The following IL1RAPL1 variants were observed in gnomAD, a reference collection of about 807,000 sequenced individuals.
The protein encoded by IL1RAPL1 is interleukin-1 receptor accessory protein-like 1.
A neutral mutation model predicts 48.4 loss-of-function variants in IL1RAPL1; 3 were observed. The observed-to-expected ratio is 0.06, with a 90% confidence interval of 0.03 to 0.16. The LOEUF is 0.16. Ranked by LOEUF, IL1RAPL1 falls within the 10% of genes least tolerant of loss-of-function variation. The pLI is 1.00. For missense variants in IL1RAPL1, 349 were observed against 530.6 expected (o/e 0.66, Z 3.36); for synonymous variants, 185 against 187.7 (o/e 0.99, Z 0.12).
chrX:29,808,878 T>C (rs1930313745), intron 6 of IL1RAPL1, among the ~76,000 whole-genome samples: 1 of 110,973 alleles, frequency 9.0e-6, no homozygotes, highest in Non-Finnish European at 1.9e-5. Context: ...AAACCAGCTT[T>C]GTTTGTATTT....
chrX:28,902,039 C>T (rs1413931519), intron 2 of IL1RAPL1, among the ~76,000 whole-genome samples: 2 of 111,991 alleles, frequency 1.8e-5, no homozygotes, highest in Non-Finnish European at 3.8e-5. Context: ...ATGACATGCA[C>T]ACATTTCTCC....
At chrX:28,873,438 C>T (rs1569190279) in intron 2 of IL1RAPL1, among the ~76,000 whole-genome samples, 1 of 107,547 alleles carries the variant, frequency 9.3e-6, no homozygotes, top group African/African-American at 3.4e-5. Context: ...CAGTAATCTC[C>T]TAAGTGGTGC....
intron 8 of IL1RAPL1, among the ~76,000 whole-genome samples, chrX:29,920,592 C>A (rs1484034000): frequency 9.2e-6 from 1 of 108,788 alleles, no homozygotes; most frequent in Non-Finnish European, 1.9e-5. Flanking sequence ...GTCAGGAGTT[C>A]AAGACCAGCC....
At chrX:29,012,369 C>G (rs1023655710) in intron 2 of IL1RAPL1, among the ~76,000 whole-genome samples, 2 of 110,932 alleles carry the variant, frequency 1.8e-5, no homozygotes, top group Admixed American at 1.9e-4. Context: ...ATAGTGAAAC[C>G]CTGACTCTAC....
At chrX:29,365,778 C>G (rs1445300942) in intron 3 of IL1RAPL1, among the ~76,000 whole-genome samples, 2 of 110,154 alleles carry the variant, frequency 1.8e-5, no homozygotes, top group Admixed American at 1.9e-4. Context: ...GTTTCTCACG[C>G]CTGTAATCCC....
At chrX:29,869,165 A>G (rs761302553) in intron 6 of IL1RAPL1, among the ~76,000 whole-genome samples, 1 of 112,547 alleles carries the variant, frequency 8.9e-6, no homozygotes, top group Non-Finnish European at 1.9e-5. Flanking sequence ...AACAATGTTA[A>G]GTCATAAGAT....
At chrX:28,767,704 G>A (rs1337784226) in intron 1 of IL1RAPL1, among the ~76,000 whole-genome samples, 1 of 85,966 alleles carries the variant, frequency 1.2e-5, no homozygotes, top group African/African-American at 4.8e-5. Flanking sequence ...AATCTTATCT[G>A]AGCCTGGGGG....
chrX:29,125,714 G>C (rs1322931850), intron 2 of IL1RAPL1, among the ~76,000 whole-genome samples: 1 of 111,292 alleles, frequency 9.0e-6, no homozygotes, highest in Non-Finnish European at 1.9e-5. Context: ...AGGAGTTTAA[G>C]AAACTGGGGT....
At chrX:29,844,796 C>T (rs1931211921) in intron 6 of IL1RAPL1, among the ~76,000 whole-genome samples, 1 of 111,887 alleles carries the variant, frequency 8.9e-6, no homozygotes, top group Admixed American at 9.5e-5. Context: ...TTCTTGGATA[C>T]AAGGAACAAC....
intron 3 of IL1RAPL1, among the ~76,000 whole-genome samples, chrX:29,345,377 C>T (rs999694671): frequency 1.8e-5 from 2 of 111,949 alleles, no homozygotes; most frequent in African/African-American, 6.5e-5. Context: ...ATATGCATTT[C>T]TCTGATTTCT....
intron 5 of IL1RAPL1, among the ~76,000 whole-genome samples, chrX:29,576,359 A>G (rs1387308747): frequency 8.9e-6 from 1 of 112,128 alleles, no homozygotes; most frequent in Non-Finnish European, 1.9e-5. Flanking sequence ...CCCATTCTAC[A>G]TAATGTCTTA....
At chrX:29,876,026 C>A (rs1931894804) in intron 6 of IL1RAPL1, among the ~76,000 whole-genome samples, 2 of 111,127 alleles carry the variant, frequency 1.8e-5, no homozygotes, top group African/African-American at 3.3e-5. Context: ...ATGTGTCCAC[C>A]AAGATAGTAG....
At chrX:29,726,257 T>C (rs1425500341) in intron 6 of IL1RAPL1, among the ~76,000 whole-genome samples, 1 of 112,472 alleles carries the variant, frequency 8.9e-6, no homozygotes, top group Non-Finnish European at 1.9e-5. Context: ...TAAAATTATA[T>C]GTATTTATCT....
At position 28,667,924 on chromosome X, in the gene IL1RAPL1, C is replaced by G. The variant is rs1450344362; in HGVS notation, c.-25+79877C>G. 2.7e-5 allele frequency among the ~76,000 whole-genome samples: 3 copies of G among 111,579 alleles called. No homozygotes were observed. The Admixed American group carries it at 2.9e-4, about 11-fold the overall frequency. On this transcript the variant is annotated intron_variant, in intron 1 of 10. Transcript: ENST00000378993. ...AATTACCTCCCAAAGGCCCCACCCT[C>G]TAATACCATCACATTCTGGATTCAG...
chrX:28,668,282 G>A (rs1287653499), intron 1 of IL1RAPL1, among the ~76,000 whole-genome samples: 3 of 110,768 alleles, frequency 2.7e-5, no homozygotes, highest in East Asian at 2.8e-4. Flanking sequence ...TTTTTGAGAC[G>A]GAGTCTCACC....
chrX:29,600,706 G>A (rs1923695239), intron 5 of IL1RAPL1, among the ~76,000 whole-genome samples: 2 of 111,087 alleles, frequency 1.8e-5, no homozygotes, highest in African/African-American at 6.6e-5. Context: ...GGATAGGAGT[G>A]TCTGAGCTCA....
At chrX:29,222,630 C>G (rs747797034) in intron 2 of IL1RAPL1, among the ~76,000 whole-genome samples, 1 of 111,786 alleles carries the variant, frequency 8.9e-6, no homozygotes. Context: ...AGATGGGATA[C>G]TAAGACAGCG....
At chrX:28,598,679 A>G (rs1601829275) in intron 1 of IL1RAPL1, among the ~76,000 whole-genome samples, 1 of 98,196 alleles carries the variant, frequency 1.0e-5, no homozygotes, top group African/African-American at 3.9e-5. Context: ...CCCAGGCTGG[A>G]GTGCAATGGT....
At chrX:29,814,663 T>C (rs1018465263) in intron 6 of IL1RAPL1, among the ~76,000 whole-genome samples, 1 of 112,015 alleles carries the variant, frequency 8.9e-6, no homozygotes, top group Non-Finnish European at 1.9e-5. Context: ...AAGGCCAACG[T>C]TGAAAAGGGT....
Sources: allele counts gnomAD v4.1 joint callset (sites outside exome capture counted in the v4.1 genomes callset), GRCh38; gene constraint gnomAD v4.1.1; transcripts MANE v1.5; gene names NCBI Gene and HGNC (gene_info 2026-07-23, HGNC 2026-07-21).